The following MGMT variants were observed in gnomAD, a reference collection of about 807,000 sequenced individuals.
MGMT encodes the protein methylated-DNA--protein-cysteine methyltransferase.
Under a neutral mutation model 15.9 loss-of-function variants are expected in MGMT, and 14 were observed. The ratio of observed to expected loss-of-function variants is 0.88; its 90% CI spans 0.58 to 1.37. MGMT has a LOEUF of 1.37. Among genes scored for constraint, MGMT ranks in the 40% most tolerant of loss-of-function variants. The pLI, the probability that MGMT is intolerant of heterozygous loss-of-function variation, is 0.00. For synonymous variants in MGMT, 130 were observed against 118.2 expected, an observed-to-expected ratio of 1.10 and a Z score of -0.65; for missense variants, 282 against 268.1, an observed-to-expected ratio of 1.05 and a Z score of -0.36.
intron 4 of MGMT, among the ~76,000 whole-genome samples, chr10:129,762,360 T>G (rs750869901): frequency 6.6e-6 from 1 of 152,202 alleles, no homozygotes; most frequent in Non-Finnish European, 1.5e-5. Flanking sequence ...CTGGTTCATA[T>G]TACTGCATTT....
chr10:129,670,716 A>G (rs1173141980), intron 2 of MGMT, among the ~76,000 whole-genome samples: 3 of 152,184 alleles, frequency 2.0e-5, no homozygotes, highest in African/African-American at 7.2e-5. Context: ...GACATATTAT[A>G]AACAGTTATG....
At chr10:129,765,394 G>A (rs1589983054) in intron 4 of MGMT, among the ~76,000 whole-genome samples, 2 of 152,188 alleles carry the variant, frequency 1.3e-5, no homozygotes, top group African/African-American at 4.8e-5. Context: ...AGTCCCCTGC[G>A]GTGGCCATGC....
chr10:129,631,776 A>G (rs1342702949), intron 2 of MGMT, among the ~76,000 whole-genome samples: 1 of 152,250 alleles, frequency 6.6e-6, no homozygotes. Context: ...ATGAGCTGAG[A>G]TCACAGCACT....
At chr10:129,536,955 A>G (rs1380713059) in intron 2 of MGMT, 1 of 152,182 alleles carries the variant, frequency 6.6e-6, no homozygotes, top group Non-Finnish European at 1.5e-5. Context: ...CCTTTTCAGC[A>G]TGACTTTAAG....
chr10:129,577,423 G>C (rs898703671), intron 2 of MGMT, among the ~76,000 whole-genome samples: 2 of 152,118 alleles, frequency 1.3e-5, no homozygotes, highest in African/African-American at 2.4e-5. Flanking sequence ...CTGACAAAAA[G>C]AAGAAATGGG....
Position 129,769,656 on chromosome 10 carries a change from C to T in MGMT, c.*2659C>T, listed in dbSNP as rs934353912. Among the ~76,000 whole-genome samples, 4 of 152,150 alleles carry T rather than the reference C, an allele frequency of 2.6e-5. No homozygotes were observed. The highest frequency in any genetic ancestry group is 1.3e-4 in the Admixed American group (2 of 15,272). ...CCACACTTGTGGCAAAATAAGTTGC[C>T]TTTGGCCACGCAGGAGACTGAGTTT... On this transcript the variant is annotated 3_prime_UTR_variant, in exon 5 of 5. Coordinates refer to ENST00000651593, the MANE Select transcript of MGMT (RefSeq NM_002412.5).
intron 2 of MGMT, among the ~76,000 whole-genome samples, chr10:129,599,739 A>G (rs529104143): frequency 7.2e-5 from 11 of 152,300 alleles, no homozygotes; most frequent in African/African-American, 2.6e-4. Flanking sequence ...GAATGTTTAC[A>G]CAGGGTGTGC....
chr10:129,546,221 A>T (rs182234131), intron 2 of MGMT, among the ~76,000 whole-genome samples: 24 of 152,360 alleles, frequency 1.6e-4, no homozygotes, highest in Middle Eastern at 6.8e-3. Context: ...CTGCAGCCCA[A>T]GCCCAGCTCA....
chr10:129,503,742 C>G (rs1589838875), intron 1 of MGMT, among the ~76,000 whole-genome samples: 3 of 152,168 alleles, frequency 2.0e-5, no homozygotes. Flanking sequence ...TTTTCTAATA[C>G]TCAGGTAGAA....
intron 2 of MGMT, among the ~76,000 whole-genome samples, chr10:129,584,136 A>C (rs530396529): frequency 6.6e-6 from 1 of 152,352 alleles, no homozygotes; most frequent in South Asian, 2.1e-4. Flanking sequence ...CTGGATCATC[A>C]TCAGATGAGC....
At chr10:129,567,567 A>G (rs1846370812) in intron 2 of MGMT, among the ~76,000 whole-genome samples, 1 of 152,156 alleles carries the variant, frequency 6.6e-6, no homozygotes, top group Non-Finnish European at 1.5e-5. Flanking sequence ...GCCAGGAGGC[A>G]GGGAAGTAGC....
At chr10:129,578,247 A>G (rs1188324787) in intron 2 of MGMT, among the ~76,000 whole-genome samples, 2 of 152,348 alleles carry the variant, frequency 1.3e-5, no homozygotes, top group African/African-American at 2.4e-5. Context: ...TGTTTATTGC[A>G]GCACTATTCA....
chr10:129,718,757 C>T (rs776723794), intron 3 of MGMT, among the ~76,000 whole-genome samples: 14 of 152,046 alleles, frequency 9.2e-5, no homozygotes, highest in Admixed American at 2.0e-4. Context: ...TGTCACCTTC[C>T]GCTCAGGTGT....
intron 2 of MGMT, among the ~76,000 whole-genome samples, chr10:129,609,344 G>C (rs554974036): frequency 6.6e-6 from 1 of 151,666 alleles, no homozygotes; most frequent in Non-Finnish European, 1.5e-5. Context: ...GGCCCCATCC[G>C]GATGATGGAG....
chr10:129,687,815 T>C (rs1453084603), intron 2 of MGMT, among the ~76,000 whole-genome samples: 4 of 152,038 alleles, frequency 2.6e-5, no homozygotes, highest in Non-Finnish European at 4.4e-5. Context: ...ATCACTTACA[T>C]TAGGTATATC....
chr10:129,487,995 A>ACACT (rs1845428764), intron 1 of MGMT, among the ~76,000 whole-genome samples: 1 of 122,268 alleles, frequency 8.2e-6, no homozygotes, highest in Non-Finnish European at 1.7e-5. Flanking sequence ...ACACACACAC[A>ACACT]CATAGGTATA....
chr10:129,633,657 C>A (rs1847235554), intron 2 of MGMT, among the ~76,000 whole-genome samples: 1 of 152,136 alleles, frequency 6.6e-6, no homozygotes, highest in Non-Finnish European at 1.5e-5. Flanking sequence ...ATCTCACAGC[C>A]CCCAGATAAG....
At chr10:129,639,424 G>A (rs1269024935) in intron 2 of MGMT, among the ~76,000 whole-genome samples, 2 of 152,130 alleles carry the variant, frequency 1.3e-5, no homozygotes, top group African/African-American at 4.8e-5. Flanking sequence ...AATTATAAAT[G>A]GAGATTTCAC....
intron 2 of MGMT, among the ~76,000 whole-genome samples, chr10:129,587,597 C>A (rs1277747747): frequency 1.3e-5 from 2 of 151,140 alleles, no homozygotes; most frequent in East Asian, 1.9e-4. Flanking sequence ...TCAAGTGATT[C>A]CCTGTCTCAG....
Sources: allele counts gnomAD v4.1 joint callset (sites outside exome capture counted in the v4.1 genomes callset), GRCh38; gene constraint gnomAD v4.1.1; transcripts MANE v1.5; gene names NCBI Gene and HGNC (gene_info 2026-07-23, HGNC 2026-07-21).